Variants in SLC25A12 observed in about 807,000 individuals in gnomAD.
SLC25A12 encodes the protein electrogenic aspartate/glutamate antiporter SLC25A12, mitochondrial.
A neutral mutation model predicts 83.3 loss-of-function variants in SLC25A12; 32 were observed. The observed-to-expected ratio is 0.38, with a 90% CI of 0.29 to 0.52. The LOEUF is 0.52. Ranked by LOEUF, SLC25A12 falls within the 20% of genes least tolerant of loss-of-function variation. The pLI is 0.84. For missense variants in SLC25A12, 611 were observed against 835.6 expected (o/e 0.73, Z 3.31); for synonymous variants, 267 against 291.1 (o/e 0.92, Z 0.84).
rs1027726255 is a variant in SLC25A12 at position 171,849,851 on chromosome 2, C to T, written c.326-5343G>A. Among the ~76,000 whole-genome samples, 7 of 151,764 alleles carry T rather than the reference C, an allele frequency of 4.6e-5. No individual in the cohort carries two copies. The East Asian group carries it at 9.7e-4, about 21-fold the overall frequency. ...GATTACAGGCGTGAGCCACCGTGCC[C>T]GGCCCAGTGGCGTGATCTTGGCTCA... is the stretch of plus-strand genomic sequence containing the variant. On this transcript the variant is annotated intron_variant, in intron 4 of 17. Transcript: ENST00000422440.
chr2:171,784,244 A>G lies in SLC25A12; in HGVS notation c.*1030T>C, dbSNP rs1458673577. The G allele has an allele frequency of 6.6e-6, 1 of 152,134 alleles. No homozygotes were observed. Among genetic ancestry groups the G allele is most frequent in the Non-Finnish European group, 1.5e-5 (1 of 68,030 alleles). The allele number at this position is 152,134 out of a possible 1,614,324, so 9.4% of individuals were successfully genotyped here. ...CTCTGCGCTAGCCCTTTCTAAAACT[A>G]ATTTTTCTGTTTTCTATAAAGGTGG... On this transcript the variant is annotated 3_prime_UTR_variant, in exon 18 of 18. Coordinates refer to ENST00000422440, the MANE Select transcript of SLC25A12 (RefSeq NM_003705.5).
At chr2:171,790,973 T>C (rs1683439642) in intron 15 of SLC25A12, among the ~76,000 whole-genome samples, 1 of 152,142 alleles carries the variant, frequency 6.6e-6, no homozygotes, top group Non-Finnish European at 1.5e-5. Context: ...AGGGCAATGG[T>C]AGGAAGAAGA....
chr2:171,830,384 A>C (rs1278517066), intron 8 of SLC25A12, among the ~76,000 whole-genome samples: 1 of 152,216 alleles, frequency 6.6e-6, no homozygotes, highest in Non-Finnish European at 1.5e-5. Context: ...GATATTCTCT[A>C]AATTTTTGTT....
At chr2:171,887,031 A>T (rs945137775) in intron 2 of SLC25A12, among the ~76,000 whole-genome samples, 2 of 152,212 alleles carry the variant, frequency 1.3e-5, no homozygotes, top group Non-Finnish European at 2.9e-5. Flanking sequence ...TTGGAAACAC[A>T]GCCCTAATGT....
At chr2:171,802,247 C>T (rs1683723259) in intron 13 of SLC25A12, among the ~76,000 whole-genome samples, 1 of 152,174 alleles carries the variant, frequency 6.6e-6, no homozygotes, top group Admixed American at 6.5e-5. Flanking sequence ...CTCAAGCCAT[C>T]TTCCCACCTC....
chr2:171,816,381 T>C (rs1684050871), intron 9 of SLC25A12, among the ~76,000 whole-genome samples: 1 of 152,092 alleles, frequency 6.6e-6, no homozygotes, highest in Admixed American at 6.6e-5. Context: ...ATATTCCTGA[T>C]ACTACTTTCA....
chr2:171,834,987 C>T (rs1424550104), intron 6 of SLC25A12, 122 bp from the exon 7 acceptor site: 3 of 1,008,952 alleles, frequency 3.0e-6, no homozygotes, highest in South Asian at 1.4e-5. Flanking sequence ...TGTTAACAAC[C>T]AGTACATAAA....
intron 14 of SLC25A12, among the ~76,000 whole-genome samples, chr2:171,793,041 A>G (rs528456849): frequency 6.6e-6 from 1 of 152,138 alleles, no homozygotes; most frequent in African/African-American, 2.4e-5. Flanking sequence ...CTGATCTGTA[A>G]TGATGGGAGT....
chr2:171,863,067 T>A (rs897613222), intron 3 of SLC25A12, among the ~76,000 whole-genome samples: 7 of 152,052 alleles, frequency 4.6e-5, no homozygotes, highest in Non-Finnish European at 7.3e-5. Flanking sequence ...AACTGGCTAA[T>A]TTTTTTCTTT....
At chr2:171,831,391 T>G (rs768089692) in intron 8 of SLC25A12, among the ~76,000 whole-genome samples, 9 of 152,170 alleles carry the variant, frequency 5.9e-5, no homozygotes, top group Non-Finnish European at 1.0e-4. Context: ...GAAATTACTT[T>G]AGTAGGAAAG....
At chr2:171,888,443 A>C (rs984449119) in intron 2 of SLC25A12, among the ~76,000 whole-genome samples, 2 of 151,208 alleles carry the variant, frequency 1.3e-5, no homozygotes, top group Admixed American at 6.6e-5. Context: ...TATTTTTTTA[A>C]TTATTATTTT....
At position 171,823,273 on chromosome 2, in the gene SLC25A12, AAGG is replaced by A. The variant is rs1684231593; in HGVS notation, c.930+3522_930+3524del. On this transcript the variant is annotated intron_variant, in intron 9 of 17. Transcript: ENST00000422440. ...AAAATTTTAAATGTTACAAAGGAAAAAGGAGGATAAATTTAGAATTCTGAAAAT... is the reference window on the plus strand; with the variant it reads ...AAAATTTTAAATGTTACAAAGGAAAAAGGATAAATTTAGAATTCTGAAAAT... 2.0e-5 allele frequency among the ~76,000 whole-genome samples: 3 copies of A among 152,350 alleles called. No individual in the cohort carries two copies. In the South Asian group the frequency reaches 6.2e-4, roughly 32 times the overall value.
chr2:171,855,063 A>G (rs1018083707), intron 4 of SLC25A12, among the ~76,000 whole-genome samples: 3 of 152,366 alleles, frequency 2.0e-5, no homozygotes, highest in South Asian at 2.1e-4. Flanking sequence ...CAACAAAAAC[A>G]GTGGCAATCT....
intron 2 of SLC25A12, among the ~76,000 whole-genome samples, chr2:171,884,015 C>T (rs1685755850): frequency 6.6e-6 from 1 of 151,774 alleles, no homozygotes; most frequent in South Asian, 2.1e-4. Context: ...CACAGGCCAC[C>T]ATGCCTGGCT....
At chr2:171,815,066 T>C in intron 10 of SLC25A12, 55 bp downstream of exon 10, 1 of 1,399,106 alleles carries the variant, frequency 7.1e-7, no homozygotes, top group African/African-American at 1.4e-5. Context: ...CTCAGTCTGG[T>C]GAGATAATAT....
At chr2:171,889,427 T>C (rs1284106809) in intron 2 of SLC25A12, among the ~76,000 whole-genome samples, 1 of 152,202 alleles carries the variant, frequency 6.6e-6, no homozygotes, top group Non-Finnish European at 1.5e-5. Flanking sequence ...TCAACCACTC[T>C]AGGTCATTAA....
intron 11 of SLC25A12, among the ~76,000 whole-genome samples, chr2:171,812,900 T>G (rs1362564449): frequency 2.0e-5 from 3 of 150,926 alleles, no homozygotes. Flanking sequence ...TCAGTTGAAA[T>G]AAATATATGG....
At chr2:171,804,192 C>T (rs538939384) in intron 13 of SLC25A12, among the ~76,000 whole-genome samples, 3 of 152,190 alleles carry the variant, frequency 2.0e-5, no homozygotes, top group South Asian at 4.1e-4. Context: ...CTTGAAAACA[C>T]GCTAAGTGAA....
rs192834784 is a variant in SLC25A12 at position 171,889,049 on chromosome 2, T to C, written c.66+4156A>G. On this transcript the variant is annotated intron_variant, in intron 2 of 17. Transcript: ENST00000422440. ...TATCCTTCTTGTGAAACTCCTACTT[T>C]AAACTTTCATGGGACCATTCTCCCT... Among the ~76,000 whole-genome samples the C allele has an allele frequency of 1.1e-3, 164 of 152,298 alleles. 3 individuals are homozygous for C. In the East Asian group the frequency reaches 0.031, roughly 29 times the overall value.
Sources: gnomAD v4.1 joint callset for allele counts (sites outside exome capture counted in the v4.1 genomes callset) on GRCh38, gnomAD v4.1.1 for gene constraint, MANE v1.5 for transcripts, NCBI Gene and HGNC (gene_info 2026-07-23, HGNC 2026-07-21) for gene names.